TRIM75: variants seen among roughly 807,000 people sequenced by gnomAD.
TRIM75 encodes the protein tripartite motif containing 75, also known as tripartite motif-containing protein 75.
the TRIM75 span, chr4:165,059,120 C>T: frequency 1.2e-5 from 9 of 738,742 alleles, no homozygotes; most frequent in Admixed American, 1.7e-4. Flanking sequence ...GAAAGCCCAC[C>T]TTGGTCGAGA....
the TRIM75 span, chr4:165,059,143 G>A: frequency 2.6e-6 from 2 of 770,754 alleles, no homozygotes; most frequent in South Asian, 1.4e-5. Context: ...TTCACCGACA[G>A]CCCAATGGCA....
At chr4:165,055,618 T>C in the TRIM75 span, among the ~76,000 whole-genome samples, 4 of 151,648 alleles carry the variant, frequency 2.6e-5, no homozygotes, top group Non-Finnish European at 5.9e-5. Context: ...CGTTTGATAC[T>C]GAGTCTTGAC....
At chr4:165,059,463 GT>G in the TRIM75 span, 1 of 780,886 alleles carries the variant, frequency 1.3e-6, no homozygotes, top group Non-Finnish European at 2.4e-6. Context: ...GCCCCTGAGC[GT>G]TTTCTGCAAG....
chr4:165,060,150 A>C, the TRIM75 span: 1 of 780,960 alleles, frequency 1.3e-6, no homozygotes, highest in South Asian at 1.3e-5. Context: ...ATTTACAGTC[A>C]AGCCAGTTGT....
At chr4:165,054,312 C>T in the TRIM75 span, among the ~76,000 whole-genome samples, 2 of 147,880 alleles carry the variant, frequency 1.4e-5, no homozygotes, top group African/African-American at 2.5e-5. Context: ...CTCTGTTGCC[C>T]AGGCTGGAGT....
chr4:165,056,019 G>A, the TRIM75 span, among the ~76,000 whole-genome samples: 5 of 150,352 alleles, frequency 3.3e-5, no homozygotes, highest in Non-Finnish European at 5.9e-5. Context: ...GGGTTCAAGC[G>A]ACTTTCCCAC....
chr4:165,059,086 A>G, the TRIM75 span: 2 of 676,716 alleles, frequency 3.0e-6, no homozygotes, highest in Non-Finnish European at 5.5e-6. Context: ...ACTGAAGAGT[A>G]CCCACAGAAC....
chr4:165,059,841 A>C, the TRIM75 span: 1 of 780,900 alleles, frequency 1.3e-6, no homozygotes, highest in East Asian at 2.4e-5. Flanking sequence ...CACACTCAAA[A>C]GCCAGTTAAG....
chr4:165,055,748 T>A, the TRIM75 span, among the ~76,000 whole-genome samples: 1 of 152,136 alleles, frequency 6.6e-6, no homozygotes, highest in Admixed American at 6.5e-5. Context: ...CAGAGATGCC[T>A]CAGGGCGAGA....
At chr4:165,058,604 G>A in the TRIM75 span, among the ~76,000 whole-genome samples, 61 of 152,244 alleles carry the variant, frequency 4.0e-4, no homozygotes, top group Non-Finnish European at 7.3e-4. Context: ...TAAGTAGATG[G>A]GATGTGGGGA....
At chr4:165,054,683 AAC>A in the TRIM75 span, among the ~76,000 whole-genome samples, 1 of 152,122 alleles carries the variant, frequency 6.6e-6, no homozygotes, top group Non-Finnish European at 1.5e-5. Flanking sequence ...TGCAGGCATG[AAC>A]TACCGCGCCT....
the TRIM75 span, among the ~76,000 whole-genome samples, chr4:165,054,084 A>G: frequency 2.6e-5 from 4 of 151,722 alleles, no homozygotes; most frequent in African/African-American, 9.7e-5. Context: ...CAGGTTATTT[A>G]ATGTTTTTAT....
the TRIM75 span, among the ~76,000 whole-genome samples, chr4:165,056,600 CTCTTTTTTTT>C: frequency 8.9e-6 from 1 of 112,422 alleles, no homozygotes; most frequent in African/African-American, 3.3e-5. Flanking sequence ...CTGTCTCTGT[CTCTTTTTTTT>C]TTTTTTTTTT....
At chr4:165,058,762 G>A in the TRIM75 span, among the ~76,000 whole-genome samples, 1 of 151,804 alleles carries the variant, frequency 6.6e-6, no homozygotes, top group Admixed American at 6.6e-5. Context: ...GTTTCATCTT[G>A]TTTTGTTCTT....
At chr4:165,060,553 G>T in the TRIM75 span, 2 of 739,690 alleles carry the variant, frequency 2.7e-6, no homozygotes, top group African/African-American at 1.7e-5. Context: ...GTTTGTGAAT[G>T]AAAACCCACC....
chr4:165,054,979 G>A, the TRIM75 span, among the ~76,000 whole-genome samples: 1 of 151,998 alleles, frequency 6.6e-6, no homozygotes. Flanking sequence ...CCTGATCCGA[G>A]GCCCTGAGGT....
chr4:165,060,266 G>A, the TRIM75 span: 1 of 780,934 alleles, frequency 1.3e-6, no homozygotes, highest in South Asian at 1.3e-5. Flanking sequence ...TTCCCACAAA[G>A]GCGAGGAGAC....
chr4:165,054,681 TG>T, the TRIM75 span, among the ~76,000 whole-genome samples: 1 of 152,176 alleles, frequency 6.6e-6, no homozygotes, highest in Non-Finnish European at 1.5e-5. Flanking sequence ...ATTGCAGGCA[TG>T]AACTACCGCG....
At chr4:165,058,041 G>A in the TRIM75 span, among the ~76,000 whole-genome samples, 1 of 152,128 alleles carries the variant, frequency 6.6e-6, no homozygotes, top group Non-Finnish European at 1.5e-5. Flanking sequence ...TATATTCAAT[G>A]TGTTATCTCG....
Sources: allele counts gnomAD v4.1 joint callset (sites outside exome capture counted in the v4.1 genomes callset), GRCh38; gene constraint gnomAD v4.1.1; transcripts MANE v1.5; gene names NCBI Gene and HGNC (gene_info 2026-07-23, HGNC 2026-07-21).